Variants in SERPINB5 observed in about 807,000 individuals in gnomAD.
SERPINB5 encodes the protein serpin family B member 5.
In SERPINB5, 27 loss-of-function variants were observed where a neutral mutation model predicts 32.2. The observed-to-expected ratio is 0.84, with a 90% confidence interval of 0.62 to 1.16. SERPINB5 has a LOEUF of 1.16. Ranked by LOEUF, SERPINB5 falls within the 50% of genes most tolerant of loss-of-function variation. The pLI is 0.00. For synonymous variants in SERPINB5, 154 were observed against 157.4 expected (o/e 0.98, Z 0.16); for missense variants, 388 against 436.3 (o/e 0.89, Z 0.99).
At chr18:63,493,392 G>T (rs1207776783) in intron 5 of SERPINB5, 2 of 556,896 alleles carry the variant, frequency 3.6e-6, no homozygotes, top group Non-Finnish European at 6.3e-6. Context: ...AAACATCTGA[G>T]AACTTTAGCA....
intron 1 of SERPINB5, among the ~76,000 whole-genome samples, chr18:63,483,151 T>G (rs566943675): frequency 6.6e-6 from 1 of 152,358 alleles, no homozygotes; most frequent in South Asian, 2.1e-4. Flanking sequence ...TGTGACAAGA[T>G]GCCTAGTTGC....
chr18:63,501,264 A>T (rs931029027), intron 6 of SERPINB5, among the ~76,000 whole-genome samples: 1 of 142,492 alleles, frequency 7.0e-6, no homozygotes, highest in Non-Finnish European at 1.5e-5. Flanking sequence ...TCATGGTTCA[A>T]TTCCCACCTA....
Position 63,489,275 on chromosome 18 carries a change from T to G in SERPINB5, c.307-72T>G, listed in dbSNP as rs1599389460. ...TATAGCAGTTGATATTTAATAATCC[T>G]TTTGTTAGAAGAGAATAACAATGCA... On this transcript the variant is annotated intron_variant, in intron 3 of 6. Transcript: ENST00000382771. 15 of 852,472 alleles carry G rather than the reference T, an allele frequency of 1.8e-5. No individual in the cohort carries two copies. The East Asian group carries it at 3.6e-4, about 20-fold the overall frequency. The allele number at this position is 852,472 out of a possible 1,614,324, so 52.8% of individuals were successfully genotyped here.
At chr18:63,495,854 C>A (rs1909435970) in intron 5 of SERPINB5, among the ~76,000 whole-genome samples, 1 of 152,162 alleles carries the variant, frequency 6.6e-6, no homozygotes, top group Non-Finnish European at 1.5e-5. Flanking sequence ...TGAGGCTACA[C>A]CCTTCTTTTG....
chr18:63,499,029 G>T lies in SERPINB5; in HGVS notation c.568-91G>T. The T allele has an allele frequency of 1.3e-5, 7 of 542,640 alleles. No individual in the cohort carries two copies. In the South Asian group the frequency reaches 3.4e-4, roughly 27 times the overall value. 33.6% of individuals were successfully genotyped at this position (542,640 alleles called of 1,614,324 possible). A position where few individuals can be genotyped will look rare whatever the true frequency, so the allele number is the denominator to read the frequency against. On this transcript the variant is annotated intron_variant, in intron 5 of 6. Coordinates refer to ENST00000382771, the MANE Select transcript of SERPINB5 (RefSeq NM_002639.5). ...TATACATGTGGGTATATATGTGTGT[G>T]TGTGTGCGCGCGTGTGTGTATATAT...
At chr18:63,503,251 A>C in intron 6 of SERPINB5, 79 bp from the exon 7 acceptor site, 1 of 1,460,596 alleles carries the variant, frequency 6.8e-7, no homozygotes, top group Non-Finnish European at 9.2e-7. Flanking sequence ...TTATCATAAC[A>C]CCTTATGTTT....
chr18:63,491,776 T>C (rs1038843255), intron 4 of SERPINB5, among the ~76,000 whole-genome samples: 1 of 152,092 alleles, frequency 6.6e-6, no homozygotes, highest in East Asian at 1.9e-4. Context: ...CATCCAGCCA[T>C]GAAAAGACTT....
chr18:63,482,510 A>T (rs1042914347), intron 1 of SERPINB5, among the ~76,000 whole-genome samples: 30 of 152,288 alleles, frequency 2.0e-4, no homozygotes, highest in Middle Eastern at 3.4e-3. Flanking sequence ...CCTTAGAAAC[A>T]TGCTGTCCTG....
chr18:63,479,118 C>T (rs774732193), intron 1 of SERPINB5, among the ~76,000 whole-genome samples: 8 of 152,130 alleles, frequency 5.3e-5, no homozygotes, highest in East Asian at 1.9e-4. Context: ...TAAATATGCA[C>T]GCCCGTGATG....
At chr18:63,478,980 G>T (rs1417082165) in intron 1 of SERPINB5, among the ~76,000 whole-genome samples, 2 of 151,968 alleles carry the variant, frequency 1.3e-5, no homozygotes. Context: ...GGCTGGTCTC[G>T]AACTCCTGAC....
At chr18:63,494,600 T>C (rs938647459) in intron 5 of SERPINB5, among the ~76,000 whole-genome samples, 2 of 152,148 alleles carry the variant, frequency 1.3e-5, no homozygotes, top group Admixed American at 1.3e-4. Flanking sequence ...AGCATCAATA[T>C]CTTGTTTTTG....
In SERPINB5 at chr18:63,477,035, T is replaced by C. The variant is rs1032617763; in HGVS notation, c.-18T>C. ...TTTTCCACGCATTTTCCAGGATAAC[T>C]GTGACTCCAGGTAAGCAAGGTGGGG... On this transcript the variant is annotated 5_prime_UTR_variant, in exon 1 of 7. Coordinates refer to ENST00000382771, the MANE Select transcript of SERPINB5 (RefSeq NM_002639.5). 1 of 152,348 alleles carries C rather than the reference T, an allele frequency of 6.6e-6. No homozygotes were observed. Among genetic ancestry groups the C allele is most frequent in the African/African-American group, 2.4e-5 (1 of 41,448 alleles). The allele number at this position is 152,348 out of a possible 1,614,324, so 9.4% of individuals were successfully genotyped here.
At chr18:63,497,738 A>G (rs1909481790) in intron 5 of SERPINB5, among the ~76,000 whole-genome samples, 1 of 152,188 alleles carries the variant, frequency 6.6e-6, no homozygotes, top group Non-Finnish European at 1.5e-5. Context: ...AAATATAACA[A>G]CAGTTGCATT....
chr18:63,478,754 C>T (rs966567012), intron 1 of SERPINB5, among the ~76,000 whole-genome samples: 6 of 122,672 alleles, frequency 4.9e-5, no homozygotes, highest in Admixed American at 2.7e-4. Context: ...ACAGTAAAAA[C>T]GTAGTTTTTT....
intron 6 of SERPINB5, among the ~76,000 whole-genome samples, chr18:63,502,716 T>C (rs1008484162): frequency 6.6e-6 from 1 of 152,150 alleles, no homozygotes; most frequent in African/African-American, 2.4e-5. Flanking sequence ...TTTGTTTCTA[T>C]AAATCTACTC....
rs772139907 is a variant in SERPINB5 at position 63,487,002 on chromosome 18, G to A, written c.225G>A (p.Ser75=). 12 of 1,613,890 alleles carry A rather than the reference G, an allele frequency of 7.4e-6. No homozygotes were observed. The South Asian group carries it at 7.7e-5, about 10-fold the overall frequency. ...DVPFGFQTVT[S]DVNKLSSFYS... ...CCTTTGGATTTCAAACAGTAACATCGGATGTAAACAAACTTAGTTCCTTTT... is the reference window on the plus strand; with the variant it reads ...CCTTTGGATTTCAAACAGTAACATCAGATGTAAACAAACTTAGTTCCTTTT... The change falls in exon 3 of 7, where the codon TCG becomes TCA. Residue 75 remains serine, a synonymous_variant. Coordinates refer to ENST00000382771, the MANE Select transcript of SERPINB5 (RefSeq NM_002639.5).
At chr18:63,494,548 T>C in intron 5 of SERPINB5, among the ~76,000 whole-genome samples, 1 of 152,250 alleles carries the variant, frequency 6.6e-6, no homozygotes, top group Admixed American at 6.5e-5. Context: ...CTCCTACGCG[T>C]CAGTTCTAGT....
At chr18:63,493,541 T>C (rs1468996037) in intron 5 of SERPINB5, 2 of 262,424 alleles carry the variant, frequency 7.6e-6, no homozygotes, top group East Asian at 1.5e-4. Context: ...TATATTGTTC[T>C]GGGATTTTAA....
At chr18:63,478,916 C>T (rs1049029646) in intron 1 of SERPINB5, among the ~76,000 whole-genome samples, 1 of 152,038 alleles carries the variant, frequency 6.6e-6, no homozygotes, top group Non-Finnish European at 1.5e-5. Flanking sequence ...CGTGCCACCA[C>T]GCCCGGCTAA....
Sources: allele counts gnomAD v4.1 joint callset (sites outside exome capture counted in the v4.1 genomes callset), GRCh38; gene constraint gnomAD v4.1.1; transcripts MANE v1.5; gene names NCBI Gene and HGNC (gene_info 2026-07-23, HGNC 2026-07-21).